SPIRE1: variants seen among roughly 807,000 people sequenced by gnomAD.
SPIRE1 encodes protein spire homolog 1.
Under a neutral mutation model 94.1 loss-of-function variants are expected in SPIRE1, and 40 were observed. The ratio of observed to expected loss-of-function variants is 0.43; its 90% CI spans 0.33 to 0.55. SPIRE1 has a LOEUF of 0.55. Ranked by LOEUF, SPIRE1 falls within the 20% of genes least tolerant of loss-of-function variation. The pLI is 0.06. For synonymous variants in SPIRE1, 376 were observed against 371.7 expected (o/e 1.01, Z -0.13); for missense variants, 838 against 975.2 (o/e 0.86, Z 1.87).
chr18:12,474,687 T>C (rs528529130), intron 10 of SPIRE1, among the ~76,000 whole-genome samples: 2 of 152,198 alleles, frequency 1.3e-5, no homozygotes, highest in African/African-American at 2.4e-5. Context: ...CTGAGTGTGG[T>C]GGTGGGCACC....
intron 2 of SPIRE1, among the ~76,000 whole-genome samples, chr18:12,615,345 A>AATAAAAATAAAAAAAAAT (rs2037267588): frequency 2.9e-4 from 5 of 17,236 alleles, no homozygotes; most frequent in Non-Finnish European, 9.3e-4. Context: ...AAAAAAAAAA[A>AATAAAAATAAAAAAAAAT]ATATATATAT....
upstream of SPIRE1, among the ~76,000 whole-genome samples, chr18:12,659,405 G>A (rs990175349): frequency 2.6e-5 from 4 of 152,146 alleles, no homozygotes; most frequent in African/African-American, 9.7e-5. Flanking sequence ...CAGTGGCTTA[G>A]GCCTGTAATC....
intron 2 of SPIRE1, among the ~76,000 whole-genome samples, chr18:12,564,289 C>T (rs1032693161): frequency 1.3e-4 from 20 of 151,708 alleles, no homozygotes; most frequent in African/African-American, 4.4e-4. Flanking sequence ...TAGTGGCAGT[C>T]ATTGGAAAAA....
intron 10 of SPIRE1, among the ~76,000 whole-genome samples, chr18:12,466,038 C>T (rs1222158074): frequency 2.7e-5 from 4 of 150,614 alleles, no homozygotes; most frequent in South Asian, 4.2e-4. Context: ...GAGCTGAGAT[C>T]GCATCACTGC....
chr18:12,535,011 C>G (rs2034794024), intron 4 of SPIRE1, among the ~76,000 whole-genome samples: 2 of 152,232 alleles, frequency 1.3e-5, no homozygotes, highest in South Asian at 2.1e-4. Context: ...TCTTCACAAC[C>G]ACCTATGTAA....
intron 6 of SPIRE1, among the ~76,000 whole-genome samples, chr18:12,506,085 T>C (rs2033822327): frequency 6.6e-6 from 1 of 152,150 alleles, no homozygotes; most frequent in Admixed American, 6.5e-5. Flanking sequence ...TAAATAATTT[T>C]TAAAATTTAA....
At chr18:12,462,652 T>C (rs887895713) in intron 12 of SPIRE1, among the ~76,000 whole-genome samples, 1 of 152,112 alleles carries the variant, frequency 6.6e-6, no homozygotes, top group Non-Finnish European at 1.5e-5. Flanking sequence ...TAGAAAACAA[T>C]GTACAGTAGT....
At chr18:12,633,634 T>C (rs1382550905) in intron 2 of SPIRE1, among the ~76,000 whole-genome samples, 1 of 152,094 alleles carries the variant, frequency 6.6e-6, no homozygotes, top group Non-Finnish European at 1.5e-5. Flanking sequence ...GATAAATTAT[T>C]TTTGTTTCTC....
intron 10 of SPIRE1, among the ~76,000 whole-genome samples, chr18:12,468,986 A>T (rs1416877907): frequency 6.6e-6 from 1 of 152,030 alleles, no homozygotes; most frequent in Non-Finnish European, 1.5e-5. Context: ...ATCCCCTGAG[A>T]CCAAGAGGTC....
chr18:12,535,382 C>T (rs559708633), intron 4 of SPIRE1, 94 bp downstream of exon 4: 74 of 1,311,276 alleles, frequency 5.6e-5, no homozygotes, highest in South Asian at 1.9e-4. Flanking sequence ...AACAATACAG[C>T]GGACAATATT....
chr18:12,554,227 G>T (rs1947686562), intron 2 of SPIRE1, among the ~76,000 whole-genome samples: 1 of 151,340 alleles, frequency 6.6e-6, no homozygotes, highest in South Asian at 2.1e-4. Flanking sequence ...AAACCTGGGA[G>T]GCGGAGGTTG....
At chr18:12,525,296 A>AAAAAAT (rs1555619713) in intron 4 of SPIRE1, among the ~76,000 whole-genome samples, 30 of 120,154 alleles carry the variant, frequency 2.5e-4, no homozygotes, top group African/African-American at 9.0e-4. Flanking sequence ...AAAAAAAAAA[A>AAAAAAT]AATAATAATA....
chr18:12,490,579 G>T (rs1341760674), intron 8 of SPIRE1, among the ~76,000 whole-genome samples: 2 of 152,038 alleles, frequency 1.3e-5, no homozygotes, highest in Middle Eastern at 3.2e-3. Flanking sequence ...ACAATAAAAG[G>T]ATCATACATC....
intron 2 of SPIRE1, among the ~76,000 whole-genome samples, chr18:12,590,988 T>C (rs1035963840): frequency 6.6e-6 from 1 of 152,210 alleles, no homozygotes; most frequent in African/African-American, 2.4e-5. Context: ...TGACAAAGTC[T>C]CTGACCTCCA....
At chr18:12,639,869 T>TAA (rs562155267) in intron 1 of SPIRE1, among the ~76,000 whole-genome samples, 3 of 142,406 alleles carry the variant, frequency 2.1e-5, no homozygotes, top group Admixed American at 7.1e-5. Context: ...ACATTGTCTT[T>TAA]AAAAAAAAAA....
At chr18:12,612,497 AC>A (rs1216285762) in intron 2 of SPIRE1, among the ~76,000 whole-genome samples, 1 of 152,200 alleles carries the variant, frequency 6.6e-6, no homozygotes, top group African/African-American at 2.4e-5. Flanking sequence ...ATATAGTCTT[AC>A]ATGGCCCTTA....
At chr18:12,470,554 T>A (rs571245083) in intron 10 of SPIRE1, among the ~76,000 whole-genome samples, 1 of 152,126 alleles carries the variant, frequency 6.6e-6, no homozygotes, top group African/African-American at 2.4e-5. Context: ...TTGGGTAACT[T>A]AGACACTCAG....
chr18:12,450,192 TAA>T (rs57438729), intron 16 of SPIRE1, among the ~76,000 whole-genome samples: 18 of 122,058 alleles, frequency 1.5e-4, no homozygotes, highest in Admixed American at 4.2e-4. Flanking sequence ...CAGTCTCTAC[TAA>T]AAAAAAAAAA....
intron 2 of SPIRE1, among the ~76,000 whole-genome samples, chr18:12,626,886 A>ATATATATATGTATATATT (rs55915333): frequency 1.8e-5 from 2 of 111,896 alleles, no homozygotes; most frequent in South Asian, 6.9e-4. Context: ...ATATATATAT[A>ATATATATATGTATATATT]TTTTTTTTTT....
Sources: allele counts gnomAD v4.1 joint callset (sites outside exome capture counted in the v4.1 genomes callset), GRCh38; gene constraint gnomAD v4.1.1; transcripts MANE v1.5; gene names NCBI Gene and HGNC (gene_info 2026-07-23, HGNC 2026-07-21).